Variants in ARID1B observed in about 807,000 individuals in gnomAD.
ARID1B encodes AT-rich interactive domain-containing protein 1B.
In ARID1B, 30 loss-of-function variants were observed where a neutral mutation model predicts 212.3. The ratio of observed to expected loss-of-function variants is 0.14; its 90% CI spans 0.11 to 0.19. The LOEUF is 0.19. Among genes scored for constraint, ARID1B ranks in the 10% least tolerant of loss-of-function variants. The probability of loss-of-function intolerance (pLI) is 1.00; values close to 1 mark genes in which losing one functional copy is unlikely to be tolerated. For synonymous variants in ARID1B, 1,402 were observed against 1,301.7 expected, an observed-to-expected ratio of 1.08 and a Z score of -1.66; for missense variants, 2,891 against 3,204.0, an observed-to-expected ratio of 0.90 and a Z score of 2.36.
At chr6:156,891,182 A>C (rs1787895445) in intron 2 of ARID1B, among the ~76,000 whole-genome samples, 5 of 152,150 alleles carry the variant, frequency 3.3e-5, no homozygotes, top group Admixed American at 2.0e-4. Flanking sequence ...GCTGTGGGGA[A>C]TTTTCAGTCT....
At position 156,777,914 on chromosome 6, in the gene ARID1B, C is replaced by G; in HGVS notation, c.234C>G (p.Pro78=). 6.6e-7 allele frequency: 1 copy of G among 1,518,002 alleles called. No homozygotes were observed. Among genetic ancestry groups the G allele is most frequent in the South Asian group, 1.2e-5 (1 of 82,088 alleles). The allele number at this position is 1,518,002 out of a possible 1,614,324, so 94.0% of individuals were successfully genotyped here. ...GTGTGCACCACCACCCCCTGCTCCC[C>G]CGTCACGAACTCAACATGGCCCATA... ...LNSVHHHPLL[P]RHELNMAHNA... The change falls in exon 1 of 20, where the codon CCC becomes CCG. Residue 78 remains proline (P), a synonymous_variant. Transcript: ENST00000636930.
At chr6:157,022,890 C>G (rs557801274) in intron 4 of ARID1B, 4 of 152,126 alleles carry the variant, frequency 2.6e-5, no homozygotes, top group Non-Finnish European at 5.9e-5. Context: ...GAGACAGAAT[C>G]CAAAAGTATT....
chr6:156,891,472 T>G (rs1787915799), intron 2 of ARID1B, among the ~76,000 whole-genome samples: 1 of 152,228 alleles, frequency 6.6e-6, no homozygotes, highest in Non-Finnish European at 1.5e-5. Flanking sequence ...TTGTTCTAGA[T>G]TCATGAAAAA....
chr6:157,061,859 A>G (rs183057775), intron 4 of ARID1B, among the ~76,000 whole-genome samples: 1 of 152,296 alleles, frequency 6.6e-6, no homozygotes, highest in African/African-American at 2.4e-5. Context: ...AGACAACCCA[A>G]TTAAGAACAA....
chr6:157,059,662 A>C (rs1783214340), intron 4 of ARID1B, among the ~76,000 whole-genome samples: 1 of 152,212 alleles, frequency 6.6e-6, no homozygotes, highest in South Asian at 2.1e-4. Flanking sequence ...GATTAGCAAG[A>C]TACAAGTGAC....
chr6:157,108,041 A>C (rs1240555431), intron 5 of ARID1B: 2 of 152,172 alleles, frequency 1.3e-5, no homozygotes, highest in Non-Finnish European at 2.9e-5. Context: ...GTTGTTTCTT[A>C]GTTACTGTAG....
chr6:156,993,044 G>T (rs1044412739), intron 4 of ARID1B, among the ~76,000 whole-genome samples: 3 of 135,286 alleles, frequency 2.2e-5, no homozygotes, highest in Admixed American at 7.2e-5. Context: ...ATATGCTTTC[G>T]CTTTTTTTTT....
chr6:157,085,204 CTG>C (rs1784888842), intron 5 of ARID1B, among the ~76,000 whole-genome samples: 2 of 152,146 alleles, frequency 1.3e-5, no homozygotes, highest in African/African-American at 4.8e-5. Flanking sequence ...TGTAATGATT[CTG>C]TTACATCAGA....
chr6:157,092,166 G>C (rs1418954449), intron 5 of ARID1B, among the ~76,000 whole-genome samples: 1 of 152,210 alleles, frequency 6.6e-6, no homozygotes, highest in Non-Finnish European at 1.5e-5. Context: ...CCCTGACAAA[G>C]TAAAATATTT....
rs1398255444 is a variant in ARID1B, at chr6:156,947,635, T to A, written c.2247+12059T>A. Among the ~76,000 whole-genome samples the A allele has an allele frequency of 1.6e-4, 22 of 141,560 alleles. No individual in the cohort carries two copies. The South Asian group carries it at 2.0e-3, about 13-fold the overall frequency. 92.9% of individuals were successfully genotyped at this position (141,560 alleles called of 152,430 possible). ...TACTCTGAACTCTGAAGGGCTAATT[T>A]AAAAAAAAAAAAAAAATCAAGCCCC... is the stretch of plus-strand genomic sequence containing the variant. On this transcript the variant is annotated intron_variant, in intron 4 of 19. Coordinates refer to ENST00000636930, the MANE Select transcript of ARID1B (RefSeq NM_001374828.1).
In ARID1B at chr6:156,961,398, G is replaced by A. The variant is rs568479185; in HGVS notation, c.2247+25822G>A. Among the ~76,000 whole-genome samples, 6 of 152,372 alleles carry A rather than the reference G, an allele frequency of 3.9e-5. No individual in the cohort carries two copies. In the South Asian group the frequency reaches 1.2e-3, roughly 32 times the overall value. ...AATCACCGGTCAGGCTGTTAAGGAG[G>A]TGGGGAAATGCCAACTTTGCCTCTT... On this transcript the variant is annotated intron_variant, in intron 4 of 19. Coordinates refer to ENST00000636930, the MANE Select transcript of ARID1B (RefSeq NM_001374828.1).
intron 4 of ARID1B, among the ~76,000 whole-genome samples, chr6:156,987,486 G>A (rs1777997131): frequency 6.6e-6 from 1 of 151,998 alleles, no homozygotes; most frequent in Admixed American, 6.6e-5. Context: ...GCCCGCTACT[G>A]CACCCGGCTA....
chr6:157,096,766 C>T (rs1208970338), intron 5 of ARID1B, among the ~76,000 whole-genome samples: 1 of 152,240 alleles, frequency 6.6e-6, no homozygotes, highest in African/African-American at 2.4e-5. Flanking sequence ...GAGAGGTCTG[C>T]TCTCCCCCCA....
At chr6:156,799,651 A>AT (rs1459756533) in intron 1 of ARID1B, among the ~76,000 whole-genome samples, 1 of 151,948 alleles carries the variant, frequency 6.6e-6, no homozygotes, top group Non-Finnish European at 1.5e-5. Flanking sequence ...TAATATTTGT[A>AT]TTTTTTAGTA....
At chr6:157,032,665 G>A (rs1001585743) in intron 4 of ARID1B, among the ~76,000 whole-genome samples, 23 of 152,220 alleles carry the variant, frequency 1.5e-4, no homozygotes, top group African/African-American at 5.3e-4. Flanking sequence ...TAATTGACAT[G>A]GAACAATGGG....
chr6:157,093,594 A>G lies in ARID1B; in HGVS notation c.2491+8689A>G, dbSNP rs1334111924. Among the ~76,000 whole-genome samples the G allele has an allele frequency of 4.6e-5, 7 of 152,376 alleles. No homozygotes were observed. The South Asian group carries it at 1.2e-3, about 27-fold the overall frequency. On this transcript the variant is annotated intron_variant, in intron 5 of 19. Transcript: ENST00000636930. ...TCATAATCCACATCTGCATGTTTAT[A>G]AATGATATAACTAGGAATTGTTAAT...
intron 2 of ARID1B, among the ~76,000 whole-genome samples, chr6:156,839,398 G>A (rs1281997834): frequency 1.3e-5 from 2 of 152,082 alleles, no homozygotes; most frequent in African/African-American, 4.8e-5. Context: ...TCATTCTGAT[G>A]ACCTTATCTA....
At chr6:156,951,231 G>A (rs770867876) in intron 4 of ARID1B, among the ~76,000 whole-genome samples, 67 of 152,108 alleles carry the variant, frequency 4.4e-4, no homozygotes, top group Non-Finnish European at 9.7e-4. Context: ...GATTTGAGCT[G>A]ACTTACAGTA....
At chr6:157,021,757 G>T (rs1780300514) in intron 4 of ARID1B, among the ~76,000 whole-genome samples, 1 of 152,108 alleles carries the variant, frequency 6.6e-6, no homozygotes, top group Non-Finnish European at 1.5e-5. Flanking sequence ...CCTGGAGGCG[G>T]GAGGCGGCGG....
Sources: gnomAD v4.1 joint callset for allele counts (sites outside exome capture counted in the v4.1 genomes callset) on GRCh38, gnomAD v4.1.1 for gene constraint, MANE v1.5 for transcripts, NCBI Gene and HGNC (gene_info 2026-07-23, HGNC 2026-07-21) for gene names.